The following SCLT1 variants were observed in gnomAD, a reference collection of about 807,000 sequenced individuals.
SCLT1 encodes the protein sodium channel-associated protein 1.
Under a neutral mutation model 112.8 loss-of-function variants are expected in SCLT1, and 78 were observed. The ratio of observed to expected loss-of-function variants is 0.69; its 90% CI spans 0.58 to 0.83. The LOEUF (loss-of-function observed/expected upper bound fraction) is 0.83. Ranked by LOEUF, SCLT1 falls within the 40% of genes least tolerant of loss-of-function variation. SCLT1 has a pLI of 0.00. For missense variants in SCLT1, 747 were observed against 770.4 expected (o/e 0.97, Z 0.36); for synonymous variants, 257 against 254.7 (o/e 1.01, Z -0.09).
intron 18 of SCLT1, among the ~76,000 whole-genome samples, chr4:128,903,293 T>A (rs1337389597): frequency 1.3e-5 from 2 of 151,966 alleles, no homozygotes; most frequent in Non-Finnish European, 2.9e-5. Flanking sequence ...ATAACAGCTA[T>A]GACGTCACTA....
At chr4:128,937,179 G>A (rs755009405) in intron 17 of SCLT1, among the ~76,000 whole-genome samples, 3 of 151,882 alleles carry the variant, frequency 2.0e-5, no homozygotes, top group South Asian at 2.1e-4. Flanking sequence ...TCAGGAGGCC[G>A]AGGCAGGTGA....
At position 128,961,125 on chromosome 4, in the gene SCLT1, T is replaced by C. The variant is rs1459838776; in HGVS notation, c.870-1348A>G. Among the ~76,000 whole-genome samples, 3 of 152,118 alleles carry C rather than the reference T, an allele frequency of 2.0e-5. No individual in the cohort carries two copies. The East Asian group carries it at 5.8e-4, about 29-fold the overall frequency. Reference sequence around the variant, plus strand: ...TTTTTTTCAACTTTTGCGATTTCAGTTTTTATAAAGATGGTCTCCTTCATC... The same window carrying C: ...TTTTTTTCAACTTTTGCGATTTCAGCTTTTATAAAGATGGTCTCCTTCATC... On this transcript the variant is annotated intron_variant, in intron 11 of 20. Coordinates refer to ENST00000281142, the MANE Select transcript of SCLT1 (RefSeq NM_144643.4).
intron 2 of SCLT1, among the ~76,000 whole-genome samples, chr4:129,061,745 G>T (rs1156973214): frequency 6.6e-6 from 1 of 152,132 alleles, no homozygotes; most frequent in Admixed American, 6.5e-5. Flanking sequence ...TCACAGCTCA[G>T]TCTTGAGATG....
At chr4:129,086,075 CCT>C (rs966602696) in intron 1 of SCLT1, among the ~76,000 whole-genome samples, 22 of 150,288 alleles carry the variant, frequency 1.5e-4, no homozygotes, top group Admixed American at 4.6e-4. Flanking sequence ...TTTTTTTTTC[CCT>C]GACAGAGTTT....
intron 18 of SCLT1, among the ~76,000 whole-genome samples, chr4:128,906,892 T>C (rs1290075583): frequency 1.3e-5 from 2 of 152,152 alleles, no homozygotes; most frequent in African/African-American, 4.8e-5. Flanking sequence ...GCAAATGCTA[T>C]AAAAACTTCA....
At chr4:128,920,241 C>T (rs1735778395) in intron 18 of SCLT1, among the ~76,000 whole-genome samples, 1 of 152,188 alleles carries the variant, frequency 6.6e-6, no homozygotes, top group Non-Finnish European at 1.5e-5. Flanking sequence ...GTTGGTTCAA[C>T]ATACACAAAT....
At chr4:128,946,273 C>T (rs1385735859) in intron 15 of SCLT1, 121 bp from the exon 16 acceptor site, 7 of 549,714 alleles carry the variant, frequency 1.3e-5, no homozygotes, top group South Asian at 1.1e-4. Context: ...TTGTTCTGAC[C>T]GTAACATATG....
At chr4:129,091,354 T>C (rs1165240963) in intron 1 of SCLT1, among the ~76,000 whole-genome samples, 2 of 151,882 alleles carry the variant, frequency 1.3e-5, no homozygotes, top group Admixed American at 6.6e-5. Context: ...TTGTCTTCCA[T>C]GGAACTATTA....
chr4:129,043,574 T>C (rs1579821681), intron 3 of SCLT1, 107 bp from the exon 4 acceptor site: 6 of 590,226 alleles, frequency 1.0e-5, no homozygotes, highest in South Asian at 7.3e-5. Flanking sequence ...AGTTTACTCA[T>C]GCAATAAAAA....
In SCLT1 at chr4:128,929,961, A is replaced by C. The variant is rs117903159; in HGVS notation, c.1829+6694T>G. On this transcript the variant is annotated intron_variant, in intron 18 of 20. Transcript: ENST00000281142. ...GGAATTTACATGCAAAGATGAGGTG[A>C]AAGGACAATATAAGCAAGTATGTAC... Among the ~76,000 whole-genome samples, 89 of 152,346 alleles carry C rather than the reference A, an allele frequency of 5.8e-4. 1 individual carries two copies. The East Asian group carries it at 0.016, about 28-fold the overall frequency.
At chr4:128,902,923 T>A (rs1272474487) in intron 18 of SCLT1, among the ~76,000 whole-genome samples, 4 of 152,164 alleles carry the variant, frequency 2.6e-5, no homozygotes, top group Admixed American at 6.5e-5. Context: ...GTCAGGATTA[T>A]CAATATCAGT....
At chr4:128,933,620 T>C (rs1736951098) in intron 18 of SCLT1, among the ~76,000 whole-genome samples, 1 of 152,124 alleles carries the variant, frequency 6.6e-6, no homozygotes, top group South Asian at 2.1e-4. Flanking sequence ...TTAGGAGACC[T>C]CATTGCAACT....
At chr4:128,922,522 C>T (rs1414081580) in intron 18 of SCLT1, among the ~76,000 whole-genome samples, 3 of 151,964 alleles carry the variant, frequency 2.0e-5, no homozygotes, top group African/African-American at 7.3e-5. Context: ...GAGTTGGAGG[C>T]CACAGTCCTA....
intron 9 of SCLT1, among the ~76,000 whole-genome samples, chr4:128,972,788 C>T (rs1740803830): frequency 6.6e-6 from 1 of 152,098 alleles, no homozygotes; most frequent in Admixed American, 6.5e-5. Flanking sequence ...TGATGGTCTC[C>T]TCTTTTGTTC....
chr4:128,928,694 TG>T (rs1260900983), intron 18 of SCLT1, among the ~76,000 whole-genome samples: 1 of 151,962 alleles, frequency 6.6e-6, no homozygotes, highest in East Asian at 1.9e-4. Flanking sequence ...TAACCAGGCG[TG>T]GTGGTGCATG....
chr4:128,982,223 C>T (rs993672919), intron 9 of SCLT1, among the ~76,000 whole-genome samples: 2 of 152,114 alleles, frequency 1.3e-5, no homozygotes, highest in African/African-American at 4.8e-5. Context: ...TAGAGATAAC[C>T]AGGAGAACCC....
chr4:128,908,395 G>GA lies in SCLT1; in HGVS notation c.1830-17259dup, dbSNP rs34212146. On this transcript the variant is annotated intron_variant, in intron 18 of 20. Transcript: ENST00000281142. ...TCCTGTTAATTAAAAAAAAAAAAAA[G>GA]AAAGAAAAAAACAGTTACAGCAGCC... Among the ~76,000 whole-genome samples, 9 of 142,526 alleles carry GA rather than the reference G, an allele frequency of 6.3e-5. No individual in the cohort carries two copies. In the South Asian group the frequency reaches 6.6e-4, roughly 10 times the overall value. The allele number at this position is 142,526 out of a possible 152,430, so 93.5% of individuals were successfully genotyped here. A position where few individuals can be genotyped will look rare whatever the true frequency, so the allele number is the denominator to read the frequency against.
intron 5 of SCLT1, among the ~76,000 whole-genome samples, chr4:129,020,495 C>T (rs1032048233): frequency 1.3e-5 from 2 of 152,150 alleles, no homozygotes; most frequent in African/African-American, 4.8e-5. Flanking sequence ...CAAGTGATGG[C>T]AATTAGCTAA....
intron 13 of SCLT1, among the ~76,000 whole-genome samples, chr4:128,953,669 G>T (rs1276971016): frequency 3.3e-5 from 5 of 151,602 alleles, no homozygotes; most frequent in African/African-American, 1.2e-4. Context: ...CATGGTGGCA[G>T]GCACCTGTAG....
Sources: gnomAD v4.1 joint callset for allele counts (sites outside exome capture counted in the v4.1 genomes callset) on GRCh38, gnomAD v4.1.1 for gene constraint, MANE v1.5 for transcripts, NCBI Gene and HGNC (gene_info 2026-07-23, HGNC 2026-07-21) for gene names.